RFT1: variants seen among roughly 807,000 people sequenced by gnomAD.
RFT1 encodes man(5)GlcNAc(2)-PP-dolichol translocation protein RFT1.
A neutral mutation model predicts 62.2 loss-of-function variants in RFT1; 43 were observed. The observed-to-expected ratio is 0.69, with a 90% confidence interval of 0.54 to 0.89. RFT1 has a LOEUF of 0.89. RFT1 is among the 40% of genes least tolerant of loss of function. The probability of loss-of-function intolerance (pLI) is 0.00; values close to 1 mark genes in which losing one functional copy is unlikely to be tolerated. For missense variants in RFT1, 605 were observed against 649.9 expected, an observed-to-expected ratio of 0.93 and a Z score of 0.75; for synonymous variants, 262 against 264.6, an observed-to-expected ratio of 0.99 and a Z score of 0.10.
At chr3:53,106,523 G>C (rs953640019) in intron 8 of RFT1, among the ~76,000 whole-genome samples, 14 of 152,200 alleles carry the variant, frequency 9.2e-5, no homozygotes, top group African/African-American at 2.9e-4. Flanking sequence ...ACATGGGGCA[G>C]ATTTTTGTGG....
the RFT1 span, chr3:53,078,305 G>A: frequency 1.3e-4 from 20 of 152,370 alleles, no homozygotes; most frequent in African/African-American, 3.4e-4. Context: ...GACTGGCCTC[G>A]GGCAGGACAT....
rs76119846 is a variant in RFT1 at position 53,124,064 on chromosome 3, G to A, written c.150-224C>T. Among the ~76,000 whole-genome samples, 1,359 of 152,322 alleles carry A rather than the reference G, an allele frequency of 8.9e-3. 7 individuals are homozygous for A. Among genetic ancestry groups the A allele is most frequent in the Middle Eastern group, 0.017 (5 of 292 alleles). On this transcript the variant is annotated intron_variant, in intron 2 of 12. Transcript: ENST00000296292. ...CCTGAGGGTGTGTGCCTACAGTTAC[G>A]TGAAGGATAGAAACTGCTGCAGTGG...
the RFT1 span, among the ~76,000 whole-genome samples, chr3:53,070,839 C>T: frequency 2.0e-5 from 3 of 148,752 alleles, no homozygotes; most frequent in Non-Finnish European, 4.5e-5. Flanking sequence ...GAATTCAAGA[C>T]CAGCCCGGCT....
At chr3:53,126,040 G>A in intron 1 of RFT1, 46 bp from the exon 2 acceptor site, 1 of 1,443,872 alleles carries the variant, frequency 6.9e-7, no homozygotes, top group South Asian at 1.2e-5. Flanking sequence ...GACGTTAGAA[G>A]TGTTTACTTA....
At chr3:53,125,019 C>G (rs1221215862) in intron 2 of RFT1, among the ~76,000 whole-genome samples, 1 of 152,102 alleles carries the variant, frequency 6.6e-6, no homozygotes, top group African/African-American at 2.4e-5. Context: ...GAAAAGAAAA[C>G]ATATTTCTCA....
intron 3 of RFT1, among the ~76,000 whole-genome samples, chr3:53,122,915 A>T (rs1702011194): frequency 6.6e-6 from 1 of 152,254 alleles, no homozygotes; most frequent in Non-Finnish European, 1.5e-5. Flanking sequence ...CCCATAAGCA[A>T]AATTCCCAGA....
intron 9 of RFT1, 56 bp from the exon 10 acceptor site, chr3:53,104,153 T>C: frequency 1.3e-6 from 2 of 1,586,032 alleles, no homozygotes; most frequent in South Asian, 2.2e-5. Context: ...AAGAAAACCT[T>C]CATCCTTCAC....
the RFT1 span, among the ~76,000 whole-genome samples, chr3:53,073,031 T>TG: frequency 4.6e-5 from 7 of 152,298 alleles, no homozygotes; most frequent in Admixed American, 1.3e-4. Flanking sequence ...CTTTGAGTCC[T>TG]GGGGGGCCCT....
At chr3:53,110,599 G>A (rs1368749589) in intron 7 of RFT1, among the ~76,000 whole-genome samples, 1 of 152,190 alleles carries the variant, frequency 6.6e-6, no homozygotes, top group African/African-American at 2.4e-5. Flanking sequence ...GATGGGGAAA[G>A]CGAGGCATAG....
chr3:53,075,093 C>G, the RFT1 span, among the ~76,000 whole-genome samples: 7 of 152,150 alleles, frequency 4.6e-5, no homozygotes, highest in African/African-American at 1.7e-4. Flanking sequence ...TCGGGCCTGA[C>G]CCTTGGGCCC....
At chr3:53,123,699 T>C in intron 3 of RFT1, 25 bp downstream of exon 3, 1 of 1,564,582 alleles carries the variant, frequency 6.4e-7, no homozygotes, top group Admixed American at 1.7e-5. Flanking sequence ...TCCTGAAACG[T>C]GTCTCCTGCC....
intron 1 of RFT1, among the ~76,000 whole-genome samples, chr3:53,127,006 A>G (rs1702126583): frequency 6.6e-6 from 1 of 151,976 alleles, no homozygotes; most frequent in South Asian, 2.1e-4. Flanking sequence ...GTAACACTGT[A>G]CCTAAAGTAT....
At chr3:53,092,680 A>C (rs1480917144) in intron 11 of RFT1, 62 bp from the exon 12 acceptor site, 1 of 1,562,474 alleles carries the variant, frequency 6.4e-7, no homozygotes, top group Non-Finnish European at 8.7e-7. Flanking sequence ...GCTGCTCCCA[A>C]AACAGCGGCC....
At chr3:53,067,039 T>C in the RFT1 span, among the ~76,000 whole-genome samples, 25 of 152,212 alleles carry the variant, frequency 1.6e-4, no homozygotes, top group Non-Finnish European at 2.9e-5. Flanking sequence ...CTGGAAAACA[T>C]TATATTGGCT....
intron 6 of RFT1, among the ~76,000 whole-genome samples, chr3:53,113,363 T>C (rs1347843116): frequency 6.6e-6 from 1 of 150,824 alleles, no homozygotes; most frequent in Non-Finnish European, 1.5e-5. Flanking sequence ...AAAGTAGTGA[T>C]TATCCAAAGT....
intron 10 of RFT1, among the ~76,000 whole-genome samples, chr3:53,100,970 A>C (rs1275026389): frequency 1.1e-4 from 8 of 73,812 alleles, no homozygotes; most frequent in East Asian, 5.5e-4. Context: ...AAAAACTCCC[A>C]AAAAAAACAC....
Position 53,119,898 on chromosome 3 carries a change from T to C in RFT1, c.682A>G (p.Ile228Val). The change falls in exon 6 of 13, where the codon ATT (isoleucine) becomes GTT (valine). Residue 228 changes from isoleucine to valine, a missense_variant. Transcript: ENST00000296292. Reference sequence around the variant, plus strand: ...GTATTACTTACTCCATTTCTTGTAATATTGGGTAACAGATCTGTTATTCTG... The same window carrying C: ...GTATTACTTACTCCATTTCTTGTAACATTGGGTAACAGATCTGTTATTCTG... The part of the protein sequence containing the change: ...VSRITDLLPN[I>V]TRNGAFINWK... The C allele has an allele frequency of 1.9e-6, 3 of 1,611,614 alleles. No individual in the cohort carries two copies. The highest frequency in any genetic ancestry group is 2.5e-6 in the Non-Finnish European group (3 of 1,178,398).
Position 53,090,461 on chromosome 3 carries a change from T to G in RFT1, c.*1442A>C, listed in dbSNP as rs1700958780. On this transcript the variant is annotated 3_prime_UTR_variant, in exon 13 of 13. Transcript: ENST00000296292. ...TCTAATTGCTCAGGACACCTTGCAT[T>G]TAGCTGCTTTTCTCCCACTTAGTGC... 1.3e-5 allele frequency: 2 copies of G among 152,310 alleles called. No individual in the cohort carries two copies. Among genetic ancestry groups the G allele is most frequent in the African/African-American group, 4.8e-5 (2 of 41,450 alleles). 9.4% of individuals were successfully genotyped at this position (152,310 alleles called of 1,614,324 possible).
chr3:53,071,371 T>C, the RFT1 span, among the ~76,000 whole-genome samples: 4 of 152,182 alleles, frequency 2.6e-5, no homozygotes, highest in African/African-American at 9.7e-5. Flanking sequence ...GAGTGAACTC[T>C]GCAGTCTGTG....
Sources: allele counts gnomAD v4.1 joint callset (sites outside exome capture counted in the v4.1 genomes callset), GRCh38; gene constraint gnomAD v4.1.1; transcripts MANE v1.5; gene names NCBI Gene and HGNC (gene_info 2026-07-23, HGNC 2026-07-21).